The following ATP8B4 variants were observed in gnomAD, a reference collection of about 807,000 sequenced individuals.
ATP8B4 encodes ATPase phospholipid transporting 8B4 (putative), also known as probable phospholipid-transporting ATPase IM.
In ATP8B4, 133 loss-of-function variants were observed where a neutral mutation model predicts 145.6. That is an observed-to-expected ratio of 0.91 (90% confidence interval 0.79 to 1.05). The LOEUF (loss-of-function observed/expected upper bound fraction) is 1.05. Among genes scored for constraint, ATP8B4 ranks in the 50% least tolerant of loss-of-function variants. The pLI is 0.00. For synonymous variants in ATP8B4, 507 were observed against 492.9 expected (o/e 1.03, Z -0.38); for missense variants, 1,458 against 1,425.2 (o/e 1.02, Z -0.37).
At chr15:49,993,537 G>A (rs969577554) in intron 9 of ATP8B4, among the ~76,000 whole-genome samples, 11 of 152,250 alleles carry the variant, frequency 7.2e-5, no homozygotes, top group African/African-American at 2.2e-4. Flanking sequence ...CTTCCATGCC[G>A]CACCTTGCAT....
intron 1 of ATP8B4, among the ~76,000 whole-genome samples, chr15:50,144,266 A>G (rs2044248332): frequency 6.6e-6 from 1 of 152,202 alleles, no homozygotes; most frequent in South Asian, 2.1e-4. Context: ...AGGGGAAGAG[A>G]CGTGAAAAAC....
chr15:49,865,467 G>A (rs2153377126), intron 26 of ATP8B4, among the ~76,000 whole-genome samples: 1 of 152,302 alleles, frequency 6.6e-6, no homozygotes, highest in East Asian at 1.9e-4. Flanking sequence ...CCAATTTATA[G>A]CCAGCTGGCC....
At chr15:50,007,600 G>A (rs148606560) in intron 7 of ATP8B4, among the ~76,000 whole-genome samples, 96 of 152,240 alleles carry the variant, frequency 6.3e-4, no homozygotes, top group African/African-American at 1.9e-3. Flanking sequence ...GGCATGTGGC[G>A]TATGGCCAAT....
At chr15:50,168,628 G>A (rs2044627595) in intron 1 of ATP8B4, among the ~76,000 whole-genome samples, 1 of 152,178 alleles carries the variant, frequency 6.6e-6, no homozygotes. Flanking sequence ...ACAGGGAGAA[G>A]GAATTCTCTA....
intron 2 of ATP8B4, among the ~76,000 whole-genome samples, chr15:50,085,885 TTATATATGATA>T (rs2054897995): frequency 1.4e-5 from 1 of 69,396 alleles, no homozygotes; most frequent in South Asian, 5.0e-4. Context: ...ATTTATATAT[TTATATATGATA>T]TATATCATAT....
chr15:50,074,389 T>C (rs771800743), intron 2 of ATP8B4, among the ~76,000 whole-genome samples: 7 of 152,240 alleles, frequency 4.6e-5, no homozygotes, highest in Non-Finnish European at 1.0e-4. Context: ...ATGTTTCTCA[T>C]TGTCCTCCTG....
chr15:50,002,178 AAC>A lies in ATP8B4; in HGVS notation c.479_480del (p.Cys160LeufsTer3). On this transcript the variant is annotated frameshift_variant, in exon 8 of 28. Transcript: ENST00000284509. LOFTEE classifies it high-confidence loss of function. ...LLSSSEPHGL[C>X]YVETAELDGE... Reference sequence around the variant, plus strand: ...CCATCAAGCTCAGCAGTTTCAACATAACAGAGACCATGTGGCTCACTACTTGA... The same window carrying A: ...CCATCAAGCTCAGCAGTTTCAACATAAGAGACCATGTGGCTCACTACTTGA... The A allele has an allele frequency of 6.2e-7, 1 of 1,611,176 alleles. No homozygotes were observed. The highest frequency in any genetic ancestry group is 8.5e-7 in the Non-Finnish European group (1 of 1,178,132).
At chr15:50,006,049 A>T (rs1219027295) in intron 7 of ATP8B4, among the ~76,000 whole-genome samples, 1 of 152,182 alleles carries the variant, frequency 6.6e-6, no homozygotes, top group Non-Finnish European at 1.5e-5. Context: ...AAAAAATGAG[A>T]ATGAGATCCT....
chr15:49,982,958 A>G (rs895915917), intron 10 of ATP8B4, among the ~76,000 whole-genome samples: 2 of 152,100 alleles, frequency 1.3e-5, no homozygotes, highest in Non-Finnish European at 2.9e-5. Flanking sequence ...TCTGTGTTAT[A>G]ATATTCTCCT....
intron 14 of ATP8B4, among the ~76,000 whole-genome samples, chr15:49,958,492 G>A (rs1260744137): frequency 6.6e-6 from 1 of 151,512 alleles, no homozygotes; most frequent in East Asian, 1.9e-4. Flanking sequence ...GGAAGAAGGG[G>A]CAACTAAACT....
chr15:49,934,993 A>G (rs1240726921), intron 14 of ATP8B4, among the ~76,000 whole-genome samples: 1 of 150,380 alleles, frequency 6.6e-6, no homozygotes, highest in African/African-American at 2.5e-5. Context: ...GAGAAACTGC[A>G]TTAACTTTTG....
At chr15:50,059,269 T>C (rs568433138) in intron 3 of ATP8B4, among the ~76,000 whole-genome samples, 3 of 152,220 alleles carry the variant, frequency 2.0e-5, no homozygotes, top group Admixed American at 6.5e-5. Flanking sequence ...AGCTGCACGG[T>C]GAGAAGATGC....
At chr15:49,881,375 G>T (rs1190308357) in intron 23 of ATP8B4, among the ~76,000 whole-genome samples, 1 of 152,136 alleles carries the variant, frequency 6.6e-6, no homozygotes, top group Non-Finnish European at 1.5e-5. Flanking sequence ...AACTTAAATT[G>T]TAAATTTATA....
chr15:49,979,807 C>CA lies in ATP8B4; in HGVS notation c.843dup (p.Gly282TrpfsTer33). The CA allele has an allele frequency of 6.3e-7, 1 of 1,575,230 alleles. No individual in the cohort carries two copies. The highest frequency in any genetic ancestry group is 8.7e-7 in the Non-Finnish European group (1 of 1,155,564). ...ATAATTCCCAAGCATATCAGAAACC[C>CA]AAAAATCTGAAATAAGATAGAAGTG... On this transcript the variant is annotated frameshift_variant, in exon 12 of 28. Coordinates refer to ENST00000284509, the MANE Select transcript of ATP8B4 (RefSeq NM_024837.4). LOFTEE classifies it high-confidence loss of function.
chr15:49,980,036 T>G (rs978310855), intron 11 of ATP8B4, among the ~76,000 whole-genome samples: 2 of 152,156 alleles, frequency 1.3e-5, no homozygotes, highest in Non-Finnish European at 2.9e-5. Context: ...ATGGGAACAG[T>G]CATTATCCCC....
chr15:49,865,340 CTCTTTATCTGTA>C (rs1025968160), intron 26 of ATP8B4, among the ~76,000 whole-genome samples: 3 of 152,206 alleles, frequency 2.0e-5, no homozygotes, highest in Non-Finnish European at 2.9e-5. Context: ...CTCTATGCAT[CTCTTTATCTGTA>C]TCCTTTGTAA....
At chr15:50,056,311 C>T (rs892829082) in intron 3 of ATP8B4, among the ~76,000 whole-genome samples, 5 of 152,158 alleles carry the variant, frequency 3.3e-5, no homozygotes, top group Non-Finnish European at 7.3e-5. Context: ...AGCAAAGACC[C>T]TCCCATCATC....
intron 16 of ATP8B4, 40 bp from the exon 17 acceptor site, chr15:49,923,534 C>A (rs765073640): frequency 7.4e-7 from 1 of 1,350,314 alleles, no homozygotes; most frequent in African/African-American, 1.5e-5. Context: ...ATATAATCAA[C>A]GTCATACATC....
intron 1 of ATP8B4, among the ~76,000 whole-genome samples, chr15:50,109,677 G>C (rs1013894401): frequency 2.6e-5 from 4 of 151,768 alleles, no homozygotes; most frequent in African/African-American, 9.7e-5. Context: ...CAGCGGCAAT[G>C]AGAATGCAAG....
Sources: gnomAD v4.1 joint callset for allele counts (sites outside exome capture counted in the v4.1 genomes callset) on GRCh38, gnomAD v4.1.1 for gene constraint, MANE v1.5 for transcripts, NCBI Gene and HGNC (gene_info 2026-07-23, HGNC 2026-07-21) for gene names.